SLC4A10: variants seen among roughly 807,000 people sequenced by gnomAD.
SLC4A10 encodes sodium-driven chloride bicarbonate exchanger.
SLC4A10 carries 42 observed loss-of-function variants against 137.7 expected under a neutral mutation model. That is an observed-to-expected ratio of 0.30 (90% CI 0.24 to 0.39). SLC4A10 has a LOEUF of 0.39. Among genes scored for constraint, SLC4A10 ranks in the 10% least tolerant of loss-of-function variants. SLC4A10 has a pLI of 1.00. For synonymous variants in SLC4A10, 474 were observed against 464.1 expected (o/e 1.02, Z -0.27); for missense variants, 925 against 1,355.0 (o/e 0.68, Z 4.98).
intron 12 of SLC4A10, chr2:161,901,296 T>C (rs1683056499): frequency 3.1e-6 from 1 of 325,738 alleles, no homozygotes; most frequent in African/African-American, 2.2e-5. Context: ...AACCGTCAAT[T>C]GACCCTTCCA....
intron 3 of SLC4A10, among the ~76,000 whole-genome samples, chr2:161,825,080 C>G (rs1239374941): frequency 6.6e-6 from 1 of 152,088 alleles, no homozygotes; most frequent in Non-Finnish European, 1.5e-5. Flanking sequence ...AAATACAGTA[C>G]ATAATACACA....
At chr2:161,726,424 C>G (rs535149556) in intron 1 of SLC4A10, among the ~76,000 whole-genome samples, 1 of 152,176 alleles carries the variant, frequency 6.6e-6, no homozygotes, top group South Asian at 2.1e-4. Flanking sequence ...CTCCTCTCCC[C>G]CAAAACTAAA....
chr2:161,919,254 G>A (rs80081227), intron 15 of SLC4A10, among the ~76,000 whole-genome samples: 7,953 of 152,170 alleles, frequency 0.052, 322 homozygotes, highest in African/African-American at 0.12. Context: ...CCCTTAGCAC[G>A]AACAGCCTGG....
chr2:161,786,694 G>T (rs945752607), intron 2 of SLC4A10, among the ~76,000 whole-genome samples: 26 of 150,648 alleles, frequency 1.7e-4, no homozygotes, highest in African/African-American at 6.4e-4. Context: ...TTAGCTAGTT[G>T]CTTTGCAGTC....
At chr2:161,812,961 T>C (rs939529952) in intron 3 of SLC4A10, among the ~76,000 whole-genome samples, 3 of 152,172 alleles carry the variant, frequency 2.0e-5, no homozygotes, top group African/African-American at 7.2e-5. Flanking sequence ...AGTTTTGGTT[T>C]TGCTGTTGCA....
intron 1 of SLC4A10, among the ~76,000 whole-genome samples, chr2:161,627,329 C>T (rs1020385929): frequency 3.3e-5 from 5 of 151,990 alleles, no homozygotes; most frequent in African/African-American, 4.8e-5. Context: ...TGGGAGGTGG[C>T]GTTTTTTAGT....
intron 15 of SLC4A10, among the ~76,000 whole-genome samples, chr2:161,926,027 T>C (rs1201011201): frequency 2.0e-5 from 3 of 152,052 alleles, no homozygotes; most frequent in African/African-American, 4.8e-5. Context: ...ATGTATATTC[T>C]GTTGATTTGG....
chr2:161,809,769 G>T (rs1478643785), intron 3 of SLC4A10, among the ~76,000 whole-genome samples: 2 of 151,976 alleles, frequency 1.3e-5, no homozygotes, highest in Non-Finnish European at 2.9e-5. Context: ...ATGCTGTTTG[G>T]GTTAATGTAG....
At chr2:161,698,077 T>C (rs2042731262) in intron 1 of SLC4A10, among the ~76,000 whole-genome samples, 1 of 152,226 alleles carries the variant, frequency 6.6e-6, no homozygotes, top group South Asian at 2.1e-4. Context: ...CAATTGTGAA[T>C]GGGAGTTCAC....
chr2:161,669,234 T>C (rs537673607), intron 1 of SLC4A10, among the ~76,000 whole-genome samples: 4 of 151,984 alleles, frequency 2.6e-5, no homozygotes, highest in Non-Finnish European at 5.9e-5. Context: ...TCCTACCAAA[T>C]TGGGATTATG....
At chr2:161,825,335 A>T (rs2057943680) in intron 3 of SLC4A10, among the ~76,000 whole-genome samples, 1 of 151,922 alleles carries the variant, frequency 6.6e-6, no homozygotes, top group Non-Finnish European at 1.5e-5. Flanking sequence ...TCTTATCTCT[A>T]ATGGAGGTAA....
chr2:161,648,076 C>A (rs950672905), intron 1 of SLC4A10, among the ~76,000 whole-genome samples: 3 of 152,112 alleles, frequency 2.0e-5, no homozygotes, highest in African/African-American at 7.2e-5. Flanking sequence ...AAGGCAGCAG[C>A]ATTATTTTCA....
At chr2:161,630,708 C>A (rs2033382324) in intron 1 of SLC4A10, among the ~76,000 whole-genome samples, 1 of 151,610 alleles carries the variant, frequency 6.6e-6, no homozygotes, top group Non-Finnish European at 1.5e-5. Context: ...GGAAATTAGG[C>A]AGTTTGTAAA....
chr2:161,979,500 GTGATCGCATTTGTGGT>G (rs1699897577), intron 26 of SLC4A10, among the ~76,000 whole-genome samples: 1 of 152,168 alleles, frequency 6.6e-6, no homozygotes, highest in Non-Finnish European at 1.5e-5. Flanking sequence ...ACCTTTTGAT[GTGATCGCATTTGTGGT>G]TTTCCATGTG....
At chr2:161,964,582 ATTAAAGATAC>A (rs1697262585) in intron 22 of SLC4A10, among the ~76,000 whole-genome samples, 1 of 152,202 alleles carries the variant, frequency 6.6e-6, no homozygotes, top group Non-Finnish European at 1.5e-5. Flanking sequence ...AAAATTTAAC[ATTAAAGATAC>A]TAGCAAATAT....
chr2:161,731,321 A>T (rs868547549), intron 1 of SLC4A10, among the ~76,000 whole-genome samples: 1 of 152,088 alleles, frequency 6.6e-6, no homozygotes, highest in East Asian at 1.9e-4. Flanking sequence ...AGGGGGGAAA[A>T]CTTTTGCAAT....
At chr2:161,701,649 A>T (rs577324153) in intron 1 of SLC4A10, among the ~76,000 whole-genome samples, 1 of 151,902 alleles carries the variant, frequency 6.6e-6, no homozygotes, top group South Asian at 2.1e-4. Context: ...TCTCCCTACT[A>T]TAACAGTGAA....
chr2:161,951,179 C>G (rs1694738225), intron 19 of SLC4A10, among the ~76,000 whole-genome samples: 1 of 152,150 alleles, frequency 6.6e-6, no homozygotes, highest in Non-Finnish European at 1.5e-5. Flanking sequence ...ACTTGTCTTA[C>G]ATCTGAGATT....
chr2:161,763,685 C>T (rs140022975), intron 1 of SLC4A10, among the ~76,000 whole-genome samples: 228 of 152,276 alleles, frequency 1.5e-3, no homozygotes, highest in African/African-American at 4.4e-3. Context: ...CTATGCCTCT[C>T]TTCTCCCAGG....
Sources: allele counts gnomAD v4.1 joint callset (sites outside exome capture counted in the v4.1 genomes callset), GRCh38; gene constraint gnomAD v4.1.1; transcripts MANE v1.5; gene names NCBI Gene and HGNC (gene_info 2026-07-23, HGNC 2026-07-21).